Variants in IQCJ observed in about 807,000 individuals in gnomAD.
IQCJ encodes IQ motif containing J, also known as IQ domain-containing protein J.
Under a neutral mutation model 11.0 loss-of-function variants are expected in IQCJ, and 9 were observed. The ratio of observed to expected loss-of-function variants is 0.82; its 90% CI spans 0.49 to 1.43. The LOEUF (loss-of-function observed/expected upper bound fraction) is 1.43. IQCJ is among the 40% of genes most tolerant of loss of function. The pLI is 0.00. For missense variants in IQCJ, 146 were observed against 133.2 expected, an observed-to-expected ratio of 1.10 and a Z score of -0.47; for synonymous variants, 55 against 51.3, an observed-to-expected ratio of 1.07 and a Z score of -0.31.
At chr3:159,138,817 A>G (rs1246599815) in intron 1 of IQCJ, among the ~76,000 whole-genome samples, 1 of 152,236 alleles carries the variant, frequency 6.6e-6, no homozygotes, top group Non-Finnish European at 1.5e-5. Context: ...GGGTTGATAC[A>G]CTTAATCTGG....
chr3:159,231,220 C>A (rs1013734792), intron 1 of IQCJ, among the ~76,000 whole-genome samples: 2 of 152,154 alleles, frequency 1.3e-5, no homozygotes, highest in African/African-American at 2.4e-5. Flanking sequence ...CCCAGCATAG[C>A]CACATCCAGC....
intron 1 of IQCJ, among the ~76,000 whole-genome samples, chr3:159,194,200 A>G (rs1026189304): frequency 1.3e-5 from 2 of 152,182 alleles, no homozygotes; most frequent in African/African-American, 4.8e-5. Flanking sequence ...GAAATTGATG[A>G]AAATTGTGTG....
Position 159,246,835 on chromosome 3 carries a change from G to A in IQCJ, c.74+928G>A, listed in dbSNP as rs142899138. Among the ~76,000 whole-genome samples, 1,471 of 152,266 alleles carry A rather than the reference G, an allele frequency of 9.7e-3. 14 individuals are homozygous for A. The highest frequency in any genetic ancestry group is 0.014 in the African/African-American group (573 of 41,544). ...TAAAAGAGAGGCTAAGTTGCTCTTC[G>A]TGCTCCAGAAAATAGAACAAGAGTC... is the stretch of plus-strand genomic sequence containing the variant. On this transcript the variant is annotated intron_variant, in intron 2 of 3. Coordinates refer to ENST00000397832, the MANE Select transcript of IQCJ (RefSeq NM_001042706.3).
At chr3:159,209,168 C>A (rs1724814254) in intron 1 of IQCJ, among the ~76,000 whole-genome samples, 1 of 152,130 alleles carries the variant, frequency 6.6e-6, no homozygotes, top group Admixed American at 6.5e-5. Flanking sequence ...GGCAGAGGAA[C>A]AGAGGGGTGT....
chr3:159,253,692 C>T (rs1212509017), intron 3 of IQCJ, among the ~76,000 whole-genome samples: 5 of 151,736 alleles, frequency 3.3e-5, no homozygotes, highest in African/African-American at 1.2e-4. Flanking sequence ...AGAATGTTAA[C>T]ATATCTGAGC....
At chr3:159,255,435 C>G (rs1442396735) in intron 3 of IQCJ, among the ~76,000 whole-genome samples, 1 of 152,164 alleles carries the variant, frequency 6.6e-6, no homozygotes, top group Non-Finnish European at 1.5e-5. Flanking sequence ...CACTGTCTAC[C>G]TGTGGGAATC....
At chr3:159,238,268 A>G (rs1277980491) in intron 1 of IQCJ, among the ~76,000 whole-genome samples, 10 of 152,332 alleles carry the variant, frequency 6.6e-5, no homozygotes, top group Non-Finnish European at 4.4e-5. Context: ...CTCTGGGCTC[A>G]TGCCAGTGCC....
chr3:159,201,687 T>C (rs1724354787), intron 1 of IQCJ, among the ~76,000 whole-genome samples: 1 of 131,756 alleles, frequency 7.6e-6, no homozygotes, highest in Non-Finnish European at 1.5e-5. Flanking sequence ...CAGGCTGGAG[T>C]GCAGTGGCGG....
At chr3:159,265,645 A>AGATT, downstream of IQCJ, 1 of 385,058 alleles carries the variant, frequency 2.6e-6, no homozygotes, top group East Asian at 3.8e-5. Flanking sequence ...GGTTTAATCT[A>AGATT]TTGCTGTTAC....
At chr3:159,210,915 G>A (rs1406056208) in intron 1 of IQCJ, among the ~76,000 whole-genome samples, 2 of 147,442 alleles carry the variant, frequency 1.4e-5, no homozygotes, top group African/African-American at 2.4e-5. Flanking sequence ...CAGGTGATCC[G>A]CCCACCTCTA....
intron 1 of IQCJ, among the ~76,000 whole-genome samples, chr3:159,235,526 G>T (rs1202782586): frequency 1.3e-5 from 2 of 152,162 alleles, no homozygotes; most frequent in African/African-American, 4.8e-5. Flanking sequence ...AACAATCCTG[G>T]ATCCAGTGCG....
At chr3:159,073,697 C>A (rs1359599510) in intron 1 of IQCJ, among the ~76,000 whole-genome samples, 1 of 152,076 alleles carries the variant, frequency 6.6e-6, no homozygotes, top group Non-Finnish European at 1.5e-5. Context: ...ACAGCATCAT[C>A]TATGTTAAAT....
chr3:159,078,007 C>T (rs1716050993), intron 1 of IQCJ, among the ~76,000 whole-genome samples: 1 of 151,852 alleles, frequency 6.6e-6, no homozygotes, highest in South Asian at 2.1e-4. Flanking sequence ...TAATTTGCTC[C>T]CAGGGAGCAC....
At chr3:159,127,562 A>G (rs1420374810) in intron 1 of IQCJ, among the ~76,000 whole-genome samples, 1 of 152,140 alleles carries the variant, frequency 6.6e-6, no homozygotes, top group Admixed American at 6.5e-5. Flanking sequence ...TCCTCGTTGT[A>G]TATTATTCTC....
At chr3:159,101,069 T>G (rs1717864392) in intron 1 of IQCJ, among the ~76,000 whole-genome samples, 1 of 86,902 alleles carries the variant, frequency 1.2e-5, no homozygotes, top group Non-Finnish European at 2.4e-5. Context: ...TATAGTCTCG[T>G]GGTGCGCCGT....
intron 2 of IQCJ, among the ~76,000 whole-genome samples, chr3:159,251,639 C>T (rs1286000308): frequency 6.6e-6 from 1 of 151,990 alleles, no homozygotes; most frequent in African/African-American, 2.4e-5. Context: ...CACACACACC[C>T]CTACCTTACC....
At chr3:159,166,095 A>G (rs976131376) in intron 1 of IQCJ, among the ~76,000 whole-genome samples, 3 of 152,024 alleles carry the variant, frequency 2.0e-5, no homozygotes, top group African/African-American at 7.2e-5. Context: ...AAATCCTAAC[A>G]GATTCATGCA....
At chr3:159,236,177 T>G (rs974480896) in intron 1 of IQCJ, among the ~76,000 whole-genome samples, 5 of 151,214 alleles carry the variant, frequency 3.3e-5, no homozygotes, top group African/African-American at 1.2e-4. Context: ...CGTGTTTAGC[T>G]GCAAGGTAAC....
intron 1 of IQCJ, among the ~76,000 whole-genome samples, chr3:159,118,063 A>G (rs1004391938): frequency 6.6e-6 from 1 of 152,240 alleles, no homozygotes; most frequent in African/African-American, 2.4e-5. Flanking sequence ...ATTTATTTGA[A>G]AGCACTGCTA....
Sources: allele counts gnomAD v4.1 joint callset (sites outside exome capture counted in the v4.1 genomes callset), GRCh38; gene constraint gnomAD v4.1.1; transcripts MANE v1.5; gene names NCBI Gene and HGNC (gene_info 2026-07-23, HGNC 2026-07-21).